Variants in THUMPD2 observed in about 807,000 individuals in gnomAD.
THUMPD2 encodes THUMP domain 2 tRNA and snRNA guanosine methyltransferase, also known as U6 snRNA (guanine-N(2))-methyltransferase THUMPD2.
Under a neutral mutation model 49.4 loss-of-function variants are expected in THUMPD2, and 56 were observed. That is an observed-to-expected ratio of 1.13 (90% confidence interval 0.91 to 1.41). THUMPD2 has a LOEUF of 1.41. THUMPD2 is among the 40% of genes most tolerant of loss of function. The pLI is 0.00. For synonymous variants in THUMPD2, 237 were observed against 205.2 expected (o/e 1.15, Z -1.32); for missense variants, 709 against 594.5 (o/e 1.19, Z -2.00).
intron 8 of THUMPD2, among the ~76,000 whole-genome samples, 185 bp downstream of exon 8, chr2:39,755,110 C>T (rs895171086): frequency 1.3e-5 from 2 of 151,862 alleles, no homozygotes; most frequent in African/African-American, 2.4e-5. Flanking sequence ...AGAATTGTTG[C>T]TTCCCAATTA....
rs565868108 is a variant in THUMPD2 at position 39,767,203 on chromosome 2, G to C, written c.751-1094C>G. 3.3e-5 allele frequency among the ~76,000 whole-genome samples: 5 copies of C among 152,252 alleles called. No homozygotes were observed. In the South Asian group the frequency reaches 6.2e-4, roughly 19 times the overall value. ...TTGCATTAAATGGCTGATAGGAATT[G>C]AATTTGCTATATTTATTTATGAGAT... is the stretch of plus-strand genomic sequence containing the variant. On this transcript the variant is annotated intron_variant, in intron 4 of 9. Transcript: ENST00000505747.
chr2:39,769,894 A>G lies in THUMPD2; in HGVS notation c.488T>C (p.Leu163Pro), dbSNP rs1678083848. Reference sequence around the variant, plus strand: ...AGTTTCTTCTTTTATTTGTTTTTCCAGCTGGCAGTCCCTATTCTCTTCTAT... The same window carrying G: ...AGTTTCTTCTTTTATTTGTTTTTCCGGCTGGCAGTCCCTATTCTCTTCTAT... ...QKIEENRDCQLEKQIKEETLE... is the reference protein window; with the variant it reads ...QKIEENRDCQPEKQIKEETLE... The change falls in exon 3 of 10, where the codon CTG becomes CCG. Residue 163 changes from leucine (L) to proline (P), a missense_variant. Coordinates refer to ENST00000505747, the MANE Select transcript of THUMPD2 (RefSeq NM_025264.5). 1 of 1,598,888 alleles carries G rather than the reference A, an allele frequency of 6.3e-7. No individual in the cohort carries two copies. The highest frequency in any genetic ancestry group is 1.4e-5 in the African/African-American group (1 of 73,362).
intron 5 of THUMPD2, 38 bp from the exon 6 acceptor site, chr2:39,761,456 T>A (rs768836376): frequency 6.4e-7 from 1 of 1,562,996 alleles, no homozygotes. Context: ...TTATTACACA[T>A]TGAACAACAA....
At chr2:39,764,359 T>A (rs2148308095) in intron 5 of THUMPD2, among the ~76,000 whole-genome samples, 1 of 152,314 alleles carries the variant, frequency 6.6e-6, no homozygotes, top group African/African-American at 2.4e-5. Context: ...TATGATAACT[T>A]GCCCAAACTT....
chr2:39,763,504 T>C (rs571811251), intron 5 of THUMPD2, among the ~76,000 whole-genome samples: 1 of 151,846 alleles, frequency 6.6e-6, no homozygotes, highest in Admixed American at 6.6e-5. Context: ...ATACACTGTT[T>C]TCTTTCCCTA....
intron 6 of THUMPD2, among the ~76,000 whole-genome samples, chr2:39,758,022 A>G (rs985208856): frequency 6.6e-6 from 1 of 152,176 alleles, no homozygotes; most frequent in Non-Finnish European, 1.5e-5. Context: ...ATTTGGAGAG[A>G]CATTTCTTAC....
chr2:39,757,763 G>C (rs1676330510), intron 6 of THUMPD2, among the ~76,000 whole-genome samples: 1 of 152,200 alleles, frequency 6.6e-6, no homozygotes, highest in African/African-American at 2.4e-5. Context: ...ATGTAGGAAG[G>C]AGAACAGTTT....
chr2:39,762,671 G>C (rs369278490), intron 5 of THUMPD2, among the ~76,000 whole-genome samples: 3 of 151,314 alleles, frequency 2.0e-5, no homozygotes, highest in South Asian at 4.2e-4. Flanking sequence ...CTTCTACGGG[G>C]TAAGCTTAGC....
At chr2:39,776,296 C>A (rs190906454) in intron 1 of THUMPD2, among the ~76,000 whole-genome samples, 78 of 152,114 alleles carry the variant, frequency 5.1e-4, no homozygotes, top group Non-Finnish European at 1.0e-3. Flanking sequence ...AAACCTGAAT[C>A]TGACCAAGTT....
intron 9 of THUMPD2, among the ~76,000 whole-genome samples, chr2:39,737,411 G>C (rs1355836842): frequency 6.6e-6 from 1 of 152,204 alleles, no homozygotes; most frequent in Non-Finnish European, 1.5e-5. Context: ...AAGTTAACAG[G>C]AAAGAGTTAG....
rs371979440 is a variant in THUMPD2, at chr2:39,736,997, G to A, written c.1250C>T (p.Thr417Ile). Residue 417 changes from threonine (T) to isoleucine (I), a missense_variant, in exon 10 of 10, where the codon ACA becomes ATA. Physicochemically the swap from Thr to Ile is moderately conservative, Grantham distance 89. Transcript: ENST00000505747. ...AGGGATGTTGCTCTCTTTACAATCT[G>A]TAAGGCGCCTGTGGTGATCTTCACT... Reference protein sequence around the residue: ...LLSEDHHRRLTDCKESNIPFN... With the variant: ...LLSEDHHRRLIDCKESNIPFN... The A allele has an allele frequency of 6.2e-7, 1 of 1,613,958 alleles. No homozygotes were observed. The highest frequency in any genetic ancestry group is 8.5e-7 in the Non-Finnish European group (1 of 1,179,996).
chr2:39,737,113 C>A, intron 9 of THUMPD2, 54 bp from the exon 10 acceptor site: 2 of 1,456,608 alleles, frequency 1.4e-6, no homozygotes, highest in Non-Finnish European at 9.3e-7. Flanking sequence ...AGACAACAAA[C>A]AATCCCACTT....
At chr2:39,768,317 C>T in intron 4 of THUMPD2, 107 bp downstream of exon 4, 4 of 936,120 alleles carry the variant, frequency 4.3e-6, no homozygotes, top group Non-Finnish European at 5.1e-6. Context: ...CCTGTAGATA[C>T]ACTTTTTATA....
chr2:39,749,823 C>T (rs1558500104), intron 8 of THUMPD2, among the ~76,000 whole-genome samples: 1 of 152,044 alleles, frequency 6.6e-6, no homozygotes, highest in Admixed American at 6.6e-5. Context: ...TCGTTTAGCT[C>T]CCACTTATAA....
intron 8 of THUMPD2, among the ~76,000 whole-genome samples, chr2:39,746,790 A>G (rs1469707838): frequency 6.6e-6 from 1 of 152,118 alleles, no homozygotes; most frequent in African/African-American, 2.4e-5. Context: ...GGCCTTCAAG[A>G]TGTCTTTTCA....
intron 8 of THUMPD2, among the ~76,000 whole-genome samples, chr2:39,752,368 A>C (rs1484501373): frequency 1.3e-5 from 2 of 152,170 alleles, no homozygotes; most frequent in East Asian, 3.9e-4. Flanking sequence ...ACTTGGTGTG[A>C]CTCTTAAAGT....
chr2:39,736,663 C>T lies in THUMPD2; in HGVS notation c.*72G>A, dbSNP rs1203854467. ...GGAGCTCTGTGGGTGCTATATGAAT[C>T]CTAGAGACAGCAAACTTCTGCTGTA... On this transcript the variant is annotated 3_prime_UTR_variant, in exon 10 of 10. Coordinates refer to ENST00000505747, the MANE Select transcript of THUMPD2 (RefSeq NM_025264.5). 2.1e-6 allele frequency: 3 copies of T among 1,413,716 alleles called. No individual in the cohort carries two copies. Among genetic ancestry groups the T allele is most frequent in the Non-Finnish European group, 2.9e-6 (3 of 1,051,314 alleles). The allele number at this position is 1,413,716 out of a possible 1,614,324, so 87.6% of individuals were successfully genotyped here. A position where few individuals can be genotyped will look rare whatever the true frequency, so the allele number is the denominator to read the frequency against.
chr2:39,766,290 T>A (rs1572854123), intron 4 of THUMPD2, 181 bp from the exon 5 acceptor site: 1 of 446,162 alleles, frequency 2.2e-6, no homozygotes, highest in East Asian at 4.0e-5. Flanking sequence ...AGAAGGAAAC[T>A]AAATTTTAAG....
chr2:39,740,603 T>C (rs920965219), intron 9 of THUMPD2, among the ~76,000 whole-genome samples: 2 of 152,194 alleles, frequency 1.3e-5, no homozygotes, highest in African/African-American at 2.4e-5. Context: ...CATACGCACA[T>C]AATTTCTTTT....
Sources: allele counts gnomAD v4.1 joint callset (sites outside exome capture counted in the v4.1 genomes callset), GRCh38; gene constraint gnomAD v4.1.1; transcripts MANE v1.5; gene names NCBI Gene and HGNC (gene_info 2026-07-23, HGNC 2026-07-21).